Variants in APLP2 observed in about 807,000 individuals in gnomAD.
APLP2 encodes the protein amyloid beta precursor like protein 2, also known as CDEI box-binding protein.
In APLP2, 53 loss-of-function variants were observed where a neutral mutation model predicts 89.9. The ratio of observed to expected loss-of-function variants is 0.59; its 90% CI spans 0.47 to 0.74. The LOEUF is 0.74. APLP2 is among the 30% of genes least tolerant of loss of function. The probability of loss-of-function intolerance (pLI) is 0.00; values close to 1 mark genes in which losing one functional copy is unlikely to be tolerated. For missense variants in APLP2, 973 were observed against 975.9 expected, an observed-to-expected ratio of 1.00 and a Z score of 0.04; for synonymous variants, 372 against 348.6, an observed-to-expected ratio of 1.07 and a Z score of -0.75.
chr11:130,120,651 A>AT (rs1367182256), intron 3 of APLP2, 55 bp from the exon 4 acceptor site: 4 of 1,347,910 alleles, frequency 3.0e-6, no homozygotes, highest in Non-Finnish European at 4.3e-6. Context: ...AGTGAGGGGC[A>AT]TTTTCACCTT....
chr11:130,092,697 C>T lies in APLP2; in HGVS notation c.106-16732C>T, dbSNP rs373357392. Among the ~76,000 whole-genome samples the T allele has an allele frequency of 4.0e-4, 13 of 32,314 alleles. 1 individual carries two copies. The East Asian group carries it at 0.015, about 36-fold the overall frequency. The allele number at this position is 32,314 out of a possible 152,430, so 21.2% of individuals were successfully genotyped here. On this transcript the variant is annotated intron_variant, in intron 1 of 16. Transcript: ENST00000338167. The stretch of plus-strand genomic sequence containing the variant: ...CTTCAGCTCCGCATGAGAGGGAGAC[C>T]GTGGGGGGAGGGAGGGGGAGGGGGA...
intron 1 of APLP2, among the ~76,000 whole-genome samples, chr11:130,103,244 G>A (rs1947175101): frequency 6.6e-6 from 1 of 152,200 alleles, no homozygotes; most frequent in Non-Finnish European, 1.5e-5. Flanking sequence ...GTTGGGGTAT[G>A]TTTGATTAGT....
intron 11 of APLP2, among the ~76,000 whole-genome samples, chr11:130,133,125 C>CT (rs757444184): frequency 0.011 from 1,512 of 141,188 alleles, 25 homozygotes; most frequent in African/African-American, 0.03. Context: ...ATTATACAGT[C>CT]TTTTTTTTTT....
intron 1 of APLP2, among the ~76,000 whole-genome samples, chr11:130,078,558 C>T (rs1374180347): frequency 1.3e-5 from 2 of 152,046 alleles, no homozygotes; most frequent in East Asian, 1.9e-4. Flanking sequence ...GAGGATATAA[C>T]GATAGTCTCC....
At chr11:130,109,115 G>A (rs1470042337) in intron 1 of APLP2, 6 of 170,342 alleles carry the variant, frequency 3.5e-5, no homozygotes, top group Non-Finnish European at 1.2e-5. Context: ...AAGTTAATGG[G>A]TGCAGCACAC....
rs770271224 is a variant in APLP2 at position 130,120,837 on chromosome 11, A to C, written c.516+19A>C. ...CAAAGAGGTAAGAGAACTCGGGGGG[A>C]AAGTCAGCTGCTGTTGTATCTGTTA... On this transcript the variant is annotated intron_variant, in intron 4 of 16. Coordinates refer to ENST00000338167, the MANE Select transcript of APLP2 (RefSeq NM_001142276.2). 3 of 1,550,912 alleles carry C rather than the reference A, an allele frequency of 1.9e-6. No homozygotes were observed. The highest frequency in any genetic ancestry group is 2.2e-5 in the East Asian group (1 of 44,576).
At chr11:130,110,732 C>G (rs1293122498) in intron 3 of APLP2, 71 bp downstream of exon 3, 3 of 1,493,110 alleles carry the variant, frequency 2.0e-6, no homozygotes, top group Non-Finnish European at 2.7e-6. Flanking sequence ...TCTCTTGGCT[C>G]ACAGTGAAAT....
chr11:130,125,334 G>A (rs1591830667), intron 7 of APLP2, among the ~76,000 whole-genome samples: 1 of 152,292 alleles, frequency 6.6e-6, no homozygotes, highest in East Asian at 1.9e-4. Context: ...CAAAGGCTCC[G>A]TCTCCAGCGC....
intron 13 of APLP2, among the ~76,000 whole-genome samples, chr11:130,138,212 T>C (rs1304129015): frequency 6.6e-6 from 1 of 152,238 alleles, no homozygotes; most frequent in East Asian, 1.9e-4. Flanking sequence ...TTCCTGTTGA[T>C]GGGCCAAACG....
chr11:130,111,577 G>A (rs770820354), intron 3 of APLP2, among the ~76,000 whole-genome samples: 20 of 152,232 alleles, frequency 1.3e-4, no homozygotes, highest in Admixed American at 6.5e-4. Flanking sequence ...TCATTCTCAC[G>A]TGTAGCCAAG....
At chr11:130,107,134 C>T (rs1947895552) in intron 1 of APLP2, among the ~76,000 whole-genome samples, 1 of 152,178 alleles carries the variant, frequency 6.6e-6, no homozygotes, top group Admixed American at 6.5e-5. Flanking sequence ...CTCTTATATC[C>T]TAAACACTTA....
In APLP2 at chr11:130,143,366, C is replaced by T; in HGVS notation, c.2174C>T (p.Pro725Leu). 6.2e-7 allele frequency: 1 copy of T among 1,614,092 alleles called. No individual in the cohort carries two copies. The highest frequency in any genetic ancestry group is 8.5e-7 in the Non-Finnish European group (1 of 1,180,014). ...GIVEVDPMLTPEERHLNKMQN... is the reference protein window; with the variant it reads ...GIVEVDPMLTLEERHLNKMQN... ...TTCCAGGTTGATCCAATGCTCACCCCAGAAGAGCGTCACCTGAACAAGATG... is the reference window on the plus strand; with the variant it reads ...TTCCAGGTTGATCCAATGCTCACCCTAGAAGAGCGTCACCTGAACAAGATG... Residue 725 changes from proline (P) to leucine (L), a missense_variant, in exon 17 of 17, where the codon CCA (proline) becomes CTA (leucine). Pro to Leu is a moderately conservative substitution (Grantham distance 98, BLOSUM62 -3). Coordinates refer to ENST00000338167, the MANE Select transcript of APLP2 (RefSeq NM_001142276.2).
chr11:130,094,686 A>G (rs1945951356), intron 1 of APLP2, among the ~76,000 whole-genome samples: 1 of 152,252 alleles, frequency 6.6e-6, no homozygotes, highest in Non-Finnish European at 1.5e-5. Context: ...GGGATCTGTC[A>G]TGTTTGAATT....
Position 130,133,627 on chromosome 11 carries a change from A to G in APLP2, c.1585-2A>G. On this transcript the variant is annotated splice_acceptor_variant, in intron 11 of 16. Coordinates refer to ENST00000338167, the MANE Select transcript of APLP2 (RefSeq NM_001142276.2). LOFTEE classifies it high-confidence loss of function. ...ACCTCTCCACCATAACTCTGCTTCC[A>G]GGTGATGACACATCTCCACGTGATT... The G allele has an allele frequency of 6.2e-7, 1 of 1,610,322 alleles. No individual in the cohort carries two copies. Among genetic ancestry groups the G allele is most frequent in the South Asian group, 1.1e-5 (1 of 91,022 alleles).
At chr11:130,077,271 G>C (rs2135364474) in intron 1 of APLP2, among the ~76,000 whole-genome samples, 1 of 152,304 alleles carries the variant, frequency 6.6e-6, no homozygotes, top group East Asian at 1.9e-4. Context: ...ATCCAGAAGA[G>C]AATGGCTGGA....
chr11:130,121,723 T>G lies in APLP2; in HGVS notation c.626T>G (p.Ile209Ser), dbSNP rs370107772. 2 of 1,614,028 alleles carry G rather than the reference T, an allele frequency of 1.2e-6. No homozygotes were observed. Among genetic ancestry groups the G allele is most frequent in the South Asian group, 2.2e-5 (2 of 91,074 alleles). Reference protein sequence around the residue: ...EYVCCPQTKIIGSVSKEEEEE... With the variant: ...EYVCCPQTKISGSVSKEEEEE... ...GTGTGCTGCCCTCAGACAAAGATTA[T>G]TGGATCTGTGTCAAAAGAAGAGGAA... Residue 209 changes from isoleucine (I) to serine (S), a missense_variant, in exon 5 of 17, where the codon ATT becomes AGT. Transcript: ENST00000338167.
intron 1 of APLP2, among the ~76,000 whole-genome samples, chr11:130,104,554 C>T (rs903288385): frequency 9.9e-5 from 15 of 152,096 alleles, no homozygotes; most frequent in Non-Finnish European, 1.8e-4. Flanking sequence ...AGATTAAGCA[C>T]ATCTGTCTTG....
Position 130,130,171 on chromosome 11 carries a change from A to G in APLP2, c.1584+5A>G, listed in dbSNP as rs1243369766. 2.5e-6 allele frequency: 4 copies of G among 1,614,234 alleles called. No individual in the cohort carries two copies. The highest frequency in any genetic ancestry group is 2.7e-5 in the African/African-American group (2 of 75,068). ...GCGGCCCAGATGAAATCCCAGGTAC[A>G]GTAGATGTAGTAGAAATTGCTGCCG... On this transcript the variant is annotated splice_donor_5th_base_variant and intron_variant, in intron 11 of 16. Coordinates refer to ENST00000338167, the MANE Select transcript of APLP2 (RefSeq NM_001142276.2).
chr11:130,080,651 T>G (rs775148256), intron 1 of APLP2, among the ~76,000 whole-genome samples: 1 of 151,960 alleles, frequency 6.6e-6, no homozygotes, highest in Non-Finnish European at 1.5e-5. Context: ...CTGTGATGAC[T>G]GTAAGCTGAA....
Sources: gnomAD v4.1 joint callset for allele counts (sites outside exome capture counted in the v4.1 genomes callset) on GRCh38, gnomAD v4.1.1 for gene constraint, MANE v1.5 for transcripts, NCBI Gene and HGNC (gene_info 2026-07-23, HGNC 2026-07-21) for gene names.